Variants in DTWD1 observed in about 807,000 individuals in gnomAD.
The protein encoded by DTWD1 is tRNA-uridine aminocarboxypropyltransferase 1.
Under a neutral mutation model 30.2 loss-of-function variants are expected in DTWD1, and 27 were observed. That is an observed-to-expected ratio of 0.90 (90% CI 0.66 to 1.23). DTWD1 has a LOEUF of 1.23. Ranked by LOEUF, DTWD1 falls within the 50% of genes most tolerant of loss-of-function variation. The pLI, the probability that DTWD1 is intolerant of heterozygous loss-of-function variation, is 0.00. For synonymous variants in DTWD1, 99 were observed against 113.1 expected (o/e 0.88, Z 0.79); for missense variants, 342 against 348.8 (o/e 0.98, Z 0.15).
At chr15:49,634,495 A>T (rs1037615648) in intron 3 of DTWD1, 41 bp from the exon 4 acceptor site, 1 of 1,528,288 alleles carries the variant, frequency 6.5e-7, no homozygotes, top group Non-Finnish European at 8.7e-7. Context: ...TATTTTGAAG[A>T]TCATAGTAGC....
chr15:49,641,794 G>C (rs1289853279), intron 4 of DTWD1, among the ~76,000 whole-genome samples: 1 of 151,872 alleles, frequency 6.6e-6, no homozygotes, highest in African/African-American at 2.4e-5. Context: ...TTTGGTCTTT[G>C]GTCATTCTAA....
chr15:49,634,019 C>T (rs12907661), intron 3 of DTWD1, among the ~76,000 whole-genome samples: 66,456 of 151,904 alleles, frequency 0.44, 17,459 homozygotes, highest in Non-Finnish European at 0.59. Context: ...ATCGTTGAAC[C>T]AAAGGGTATG....
intron 4 of DTWD1, among the ~76,000 whole-genome samples, chr15:49,635,587 G>A (rs2078990788): frequency 6.6e-6 from 1 of 151,906 alleles, no homozygotes; most frequent in African/African-American, 2.4e-5. Context: ...CTGCCTCCTG[G>A]GGTCAGGCGA....
intron 4 of DTWD1, among the ~76,000 whole-genome samples, chr15:49,636,082 T>C (rs2078998537): frequency 6.6e-6 from 1 of 152,184 alleles, no homozygotes; most frequent in Non-Finnish European, 1.5e-5. Flanking sequence ...ATTATAGAAA[T>C]TGAATCATAT....
rs574845959 is a variant in DTWD1 at position 49,652,525 on chromosome 15, C to T, written c.*8947C>T. The T allele has an allele frequency of 2.9e-4, 40 of 136,970 alleles. No homozygotes were observed. Among genetic ancestry groups the T allele is most frequent in the African/African-American group, 1.3e-3 (38 of 28,732 alleles). The allele number at this position is 136,970 out of a possible 1,614,324, so 8.5% of individuals were successfully genotyped here. A position where few individuals can be genotyped will look rare whatever the true frequency, so the allele number is the denominator to read the frequency against. ...GGTCTGAATTATACCAGATAAACCACCAGGAGCAGCAGAGGTGGTAGCAGA... is the reference window on the plus strand; with the variant it reads ...GGTCTGAATTATACCAGATAAACCATCAGGAGCAGCAGAGGTGGTAGCAGA... On this transcript the variant is annotated 3_prime_UTR_variant, in exon 5 of 5. Coordinates refer to ENST00000403028, the MANE Select transcript of DTWD1 (RefSeq NM_001144955.2).
rs1392173041 is a variant in DTWD1 at position 49,632,293 on chromosome 15, G to T, written c.399G>T (p.Lys133Asn). The T allele has an allele frequency of 6.3e-7, 1 of 1,576,618 alleles. No individual in the cohort carries two copies. Among genetic ancestry groups the T allele is most frequent in the East Asian group, 2.3e-5 (1 of 43,570 alleles). The change falls in exon 3 of 5, where the codon AAG becomes AAT. Residue 133 changes from lysine (K) to asparagine (N), a missense_variant. Lys to Asn is a moderately conservative substitution (Grantham distance 94). Coordinates refer to ENST00000403028, the MANE Select transcript of DTWD1 (RefSeq NM_001144955.2). ...CGTGTATTCCAGAATATGAAGAAAA[G>T]GACCATGAAGTAGGCAACTTAGTTT... ...TYPCIPEYEE[K>N]DHEVALIFPG...
intron 2 of DTWD1, 195 bp from the exon 3 acceptor site, chr15:49,631,964 T>G: frequency 1.6e-6 from 1 of 618,472 alleles, no homozygotes; most frequent in Non-Finnish European, 2.9e-6. Context: ...AATACATGAA[T>G]AACAATGCCA....
chr15:49,622,445 T>A (rs1421900112), intron 1 of DTWD1, among the ~76,000 whole-genome samples: 4 of 152,132 alleles, frequency 2.6e-5, no homozygotes, highest in Non-Finnish European at 5.9e-5. Context: ...GTATAATTAA[T>A]TTGGGGTGGA....
chr15:49,627,002 A>T (rs1188871099), intron 2 of DTWD1: 5 of 207,928 alleles, frequency 2.4e-5, no homozygotes, highest in Non-Finnish European at 3.1e-5. Flanking sequence ...TCTCATAGCC[A>T]TGTAAAGAAG....
In DTWD1 at chr15:49,648,220, C is replaced by CTA. The variant is rs1188714726; in HGVS notation, c.*4647_*4648dup. The CTA allele has an allele frequency of 6.6e-6, 1 of 152,124 alleles. No homozygotes were observed. The highest frequency in any genetic ancestry group is 2.4e-5 in the African/African-American group (1 of 41,436). 9.4% of individuals were successfully genotyped at this position (152,124 alleles called of 1,614,324 possible). A position where few individuals can be genotyped will look rare whatever the true frequency, so the allele number is the denominator to read the frequency against. On this transcript the variant is annotated 3_prime_UTR_variant, in exon 5 of 5. Coordinates refer to ENST00000403028, the MANE Select transcript of DTWD1 (RefSeq NM_001144955.2). ...CTATTCATACACTGTATATTAAGCT[C>CTA]TATATACACTGCATATCATCATCAT...
chr15:49,640,397 A>T (rs550035892), intron 4 of DTWD1, among the ~76,000 whole-genome samples: 1 of 152,272 alleles, frequency 6.6e-6, no homozygotes, highest in Admixed American at 6.5e-5. Flanking sequence ...ATTGCAAATA[A>T]TGCTACTACA....
At chr15:49,622,325 G>C (rs1291423689) in intron 1 of DTWD1, among the ~76,000 whole-genome samples, 51 of 152,266 alleles carry the variant, frequency 3.3e-4, no homozygotes, top group Non-Finnish European at 2.9e-5. Flanking sequence ...ACTCAAAGAG[G>C]TTTAAGACAT....
At chr15:49,643,244 C>A in intron 4 of DTWD1, 87 bp from the exon 5 acceptor site, 1 of 1,343,630 alleles carries the variant, frequency 7.4e-7, no homozygotes, top group Admixed American at 3.4e-5. Flanking sequence ...TAAGAGAAAT[C>A]ATTATTATTG....
rs185269638 is a variant in DTWD1, at chr15:49,625,788, G to T, written c.264+357G>T. On this transcript the variant is annotated intron_variant, in intron 2 of 4. Transcript: ENST00000403028. ...TTAAAATTTTCCAAATAGGGTAAAT[G>T]CACGATTTGTAAAAGGAGGGGTTAG... 3.6e-3 allele frequency among the ~76,000 whole-genome samples: 554 copies of T among 152,188 alleles called. 4 individuals carry two copies. The highest frequency in any genetic ancestry group is 0.013 in the African/African-American group (525 of 41,518).
In DTWD1 at chr15:49,652,226, T is replaced by A. The variant is rs186348504; in HGVS notation, c.*8648T>A. Reference sequence around the variant, plus strand: ...GGGGACACAGTTTTGCTGAGAGATATATAAAAAATCTCACTGAAAAACATA... The same window carrying A: ...GGGGACACAGTTTTGCTGAGAGATAAATAAAAAATCTCACTGAAAAACATA... On this transcript the variant is annotated 3_prime_UTR_variant, in exon 5 of 5. Transcript: ENST00000403028. 1 of 152,032 alleles carries A rather than the reference T, an allele frequency of 6.6e-6. No homozygotes were observed. Among genetic ancestry groups the A allele is most frequent in the Admixed American group, 6.6e-5 (1 of 15,250 alleles). 9.4% of individuals were successfully genotyped at this position (152,032 alleles called of 1,614,324 possible).
In DTWD1 at chr15:49,647,804, CAAAA is replaced by C. The variant is rs891935855; in HGVS notation, c.*4233_*4236del. 1 of 138,490 alleles carries C rather than the reference CAAAA, an allele frequency of 7.2e-6. No individual in the cohort carries two copies. The highest frequency in any genetic ancestry group is 1.6e-5 in the Non-Finnish European group (1 of 63,170). The allele number at this position is 138,490 out of a possible 1,614,324, so 8.6% of individuals were successfully genotyped here. ...ATAGACAAACGGAGAATAATGGCAA[CAAAA>C]AAAAAACTGTCTTCAAAATAAGAGT... On this transcript the variant is annotated 3_prime_UTR_variant, in exon 5 of 5. Coordinates refer to ENST00000403028, the MANE Select transcript of DTWD1 (RefSeq NM_001144955.2).
In DTWD1 at chr15:49,646,304, T is replaced by TA. The variant is rs1316952237; in HGVS notation, c.*2727dup. 3.3e-5 allele frequency: 5 copies of TA among 152,218 alleles called. No homozygotes were observed. The highest frequency in any genetic ancestry group is 2.0e-4 in the Admixed American group (3 of 15,262). 9.4% of individuals were successfully genotyped at this position (152,218 alleles called of 1,614,324 possible). A position where few individuals can be genotyped will look rare whatever the true frequency, so the allele number is the denominator to read the frequency against. ...TATAGCTATTTATTGTGGCTATAGA[T>TA]ATCTCATCTTTGGATGCATTATCAG... On this transcript the variant is annotated 3_prime_UTR_variant, in exon 5 of 5. Transcript: ENST00000403028.
Position 49,625,374 on chromosome 15 carries a change from C to G in DTWD1, c.207C>G (p.Cys69Trp). 1 of 1,613,662 alleles carries G rather than the reference C, an allele frequency of 6.2e-7. No homozygotes were observed. Among genetic ancestry groups the G allele is most frequent in the Non-Finnish European group, 8.5e-7 (1 of 1,179,756 alleles). ...LKCGGSRMFYCYTCYVPVENV... is the reference protein window; with the variant it reads ...LKCGGSRMFYWYTCYVPVENV... ...GTGGTGGTTCCAGAATGTTCTACTG[C>G]TATACATGTTATGTTCCAGTTGAAA... Residue 69 changes from cysteine (C) to tryptophan (W), a missense_variant, in exon 2 of 5, where the codon TGC becomes TGG. Physicochemically the swap from Cys to Trp is radical, Grantham distance 215. Coordinates refer to ENST00000403028, the MANE Select transcript of DTWD1 (RefSeq NM_001144955.2).
rs540441118 is a variant in DTWD1 at position 49,630,810 on chromosome 15, G to A, written c.265-1349G>A. ...CTGCTGGAGAGCAAGCGAAGCTTCC[G>A]TCTGTATTTACAGCCGCTCCCCATC... is the stretch of plus-strand genomic sequence containing the variant. On this transcript the variant is annotated intron_variant, in intron 2 of 4. Coordinates refer to ENST00000403028, the MANE Select transcript of DTWD1 (RefSeq NM_001144955.2). The A allele has an allele frequency of 3.7e-4, 65 of 176,456 alleles. No individual in the cohort carries two copies. The South Asian group carries it at 6.3e-3, about 17-fold the overall frequency. 10.9% of individuals were successfully genotyped at this position (176,456 alleles called of 1,614,324 possible).
Sources: gnomAD v4.1 joint callset for allele counts (sites outside exome capture counted in the v4.1 genomes callset) on GRCh38, gnomAD v4.1.1 for gene constraint, MANE v1.5 for transcripts, NCBI Gene and HGNC (gene_info 2026-07-23, HGNC 2026-07-21) for gene names.